Variants in BRD8 observed in about 807,000 individuals in gnomAD.
The protein encoded by BRD8 is bromodomain-containing protein 8.
A neutral mutation model predicts 143.1 loss-of-function variants in BRD8; 67 were observed. That is an observed-to-expected ratio of 0.47 (90% confidence interval 0.38 to 0.57). The LOEUF is 0.57. BRD8 is among the 20% of genes least tolerant of loss of function. The probability of loss-of-function intolerance (pLI) is 0.00; values close to 1 mark genes in which losing one functional copy is unlikely to be tolerated. For missense variants in BRD8, 1,103 were observed against 1,503.0 expected (o/e 0.73, Z 4.40); for synonymous variants, 505 against 517.1 (o/e 0.98, Z 0.32).
chr5:138,149,527 G>T (rs981022481), intron 23 of BRD8, 113 bp downstream of exon 23: 2 of 863,378 alleles, frequency 2.3e-6, no homozygotes, highest in African/African-American at 1.7e-5. Context: ...TATATTTTTT[G>T]TGTTTTCCAA....
chr5:138,150,233 T>C (rs1752327208), intron 22 of BRD8, among the ~76,000 whole-genome samples: 1 of 151,658 alleles, frequency 6.6e-6, no homozygotes, highest in Non-Finnish European at 1.5e-5. Flanking sequence ...GACCCCTAAG[T>C]AGCTGGAACT....
At chr5:138,155,609 T>C (rs1448792524) in intron 20 of BRD8, among the ~76,000 whole-genome samples, 1 of 151,806 alleles carries the variant, frequency 6.6e-6, no homozygotes, top group Non-Finnish European at 1.5e-5. Flanking sequence ...CTCAGCTCAC[T>C]GCAGCCTCAA....
intron 19 of BRD8, 112 bp from the exon 20 acceptor site, chr5:138,159,711 A>C: frequency 9.9e-7 from 1 of 1,008,532 alleles, no homozygotes; most frequent in Non-Finnish European, 1.5e-6. Flanking sequence ...CAAAATTTTA[A>C]AACTCAAGAA....
intron 11 of BRD8, 64 bp downstream of exon 11, chr5:138,165,764 G>A (rs1470994272): frequency 7.6e-7 from 1 of 1,313,438 alleles, no homozygotes. Flanking sequence ...GCACCAAAGT[G>A]AGGCTGAAAA....
intron 23 of BRD8, among the ~76,000 whole-genome samples, chr5:138,147,448 T>C (rs1581405078): frequency 6.6e-6 from 1 of 151,684 alleles, no homozygotes; most frequent in Non-Finnish European, 1.5e-5. Context: ...AAACAGTTCA[T>C]ACTATATTCT....
chr5:138,148,078 G>A (rs1752226304), intron 23 of BRD8, among the ~76,000 whole-genome samples: 2 of 150,230 alleles, frequency 1.3e-5, no homozygotes, highest in Admixed American at 1.3e-4. Flanking sequence ...CAATCTTTTG[G>A]CTTCCCTGGG....
intron 2 of BRD8, among the ~76,000 whole-genome samples, chr5:138,173,181 T>G (rs2151218189): frequency 6.6e-6 from 1 of 152,258 alleles, no homozygotes. Flanking sequence ...GCAGACTGCT[T>G]GAGATGAGGA....
chr5:138,162,672 T>TA (rs1349170797), intron 15 of BRD8, among the ~76,000 whole-genome samples: 37 of 151,472 alleles, frequency 2.4e-4, no homozygotes, highest in African/African-American at 8.7e-4. Flanking sequence ...TCCTGTCCCT[T>TA]AAAAAAATTT....
chr5:138,175,665 C>A (rs1754260695), intron 2 of BRD8, among the ~76,000 whole-genome samples: 1 of 150,470 alleles, frequency 6.6e-6, no homozygotes, highest in Non-Finnish European at 1.5e-5. Flanking sequence ...CATAGTGGGA[C>A]CTCGTCTCTA....
intron 1 of BRD8, among the ~76,000 whole-genome samples, chr5:138,178,215 C>T (rs1175015921): frequency 6.6e-6 from 1 of 152,084 alleles, no homozygotes; most frequent in African/African-American, 2.4e-5. Context: ...GTTAAAAGAC[C>T]CCACTTCCAC....
chr5:138,165,726 C>CAAAAAAAAAAAAAAA lies in BRD8; in HGVS notation c.1278+87_1278+101dup, dbSNP rs374362323. The CAAAAAAAAAAAAAAA allele has an allele frequency of 1.2e-4, 118 of 946,424 alleles. 5 individuals are homozygous for CAAAAAAAAAAAAAAA. In the African/African-American group the frequency reaches 2.9e-3, roughly 23 times the overall value. The allele number at this position is 946,424 out of a possible 1,614,324, so 58.6% of individuals were successfully genotyped here. A position where few individuals can be genotyped will look rare whatever the true frequency, so the allele number is the denominator to read the frequency against. ...GGATGAAAGAGCAAGACTCTGTCTC[C>CAAAAAAAAAAAAAAA]AAAAAAAAAAAAAAAAAAGCAGCAG... On this transcript the variant is annotated intron_variant, in intron 11 of 26. Coordinates refer to ENST00000254900, the MANE Select transcript of BRD8 (RefSeq NM_139199.2).
At chr5:138,172,962 T>C (rs1754010567) in intron 2 of BRD8, 1 of 182,496 alleles carries the variant, frequency 5.5e-6, no homozygotes, top group Non-Finnish European at 1.2e-5. Flanking sequence ...AAAATTTTGC[T>C]GGAGAGACAC....
Position 138,140,045 on chromosome 5 carries a change from C to A in BRD8, c.*29G>T. 1 of 1,558,966 alleles carries A rather than the reference C, an allele frequency of 6.4e-7. No homozygotes were observed. The highest frequency in any genetic ancestry group is 1.7e-5 in the Admixed American group (1 of 59,834). On this transcript the variant is annotated 3_prime_UTR_variant, in exon 27 of 27. Transcript: ENST00000254900. ...CAGAGTTCCGGGAGAGATTCAAACT[C>A]TAGAAAAAGTCAGGATAGCAGCTCC...
rs67288912 is a variant in BRD8 at position 138,156,825 on chromosome 5, TACACACACACACAC to T, written c.2577+2716_2577+2729del. ...TTATGCAGAAGAAACAAGTTTCAAA[TACACACACACACAC>T]ACACACACACACACACACACACACA... On this transcript the variant is annotated intron_variant, in intron 20 of 26. Transcript: ENST00000254900. 1,318 of 803,170 alleles carry T rather than the reference TACACACACACACAC, an allele frequency of 1.6e-3. 10 individuals carry two copies. The African/African-American group carries it at 0.023, about 14-fold the overall frequency. 49.8% of individuals were successfully genotyped at this position (803,170 alleles called of 1,614,324 possible).
At position 138,169,336 on chromosome 5, in the gene BRD8, G is replaced by A. The variant is rs139570980; in HGVS notation, c.528C>T (p.Pro176=). The A allele has an allele frequency of 4.5e-5, 72 of 1,613,844 alleles. No homozygotes were observed. In the South Asian group the frequency reaches 7.1e-4, roughly 16 times the overall value. The part of the protein sequence containing the change: ...AYQARQAVKT[P]PRRLPTVMVR... ...CCATCACAGTGGGTAACCTCCGGGG[G>A]GGTGTTTTTACTGCTTGACGAGCTA... The change falls in exon 8 of 27, where the codon CCC becomes CCT. Residue 176 remains proline (P), a synonymous_variant. Coordinates refer to ENST00000254900, the MANE Select transcript of BRD8 (RefSeq NM_139199.2).
chr5:138,160,153 C>T lies in BRD8; in HGVS notation c.2448G>A (p.Leu816=). The part of the protein sequence containing the change: ...EQIQQFLATQ[L]IMQTSESGIS... Reference sequence around the variant, plus strand: ...TCCCAGACTCGGATGTTTGCATAATCAACTGCGTGGCCAAGAATTGCTGTA... The same window carrying T: ...TCCCAGACTCGGATGTTTGCATAATTAACTGCGTGGCCAAGAATTGCTGTA... Residue 816 remains leucine (L), a synonymous_variant, in exon 19 of 27, where the codon TTG becomes TTA. Coordinates refer to ENST00000254900, the MANE Select transcript of BRD8 (RefSeq NM_139199.2). The T allele has an allele frequency of 6.2e-7, 1 of 1,614,094 alleles. No individual in the cohort carries two copies. The highest frequency in any genetic ancestry group is 8.5e-7 in the Non-Finnish European group (1 of 1,179,970).
At position 138,152,647 on chromosome 5, in the gene BRD8, A is replaced by G; in HGVS notation, c.2691T>C (p.Asp897=). Residue 897 remains aspartate, a synonymous_variant, in exon 21 of 27, where the codon GAT becomes GAC. Transcript: ENST00000254900. The part of the protein sequence containing the change: ...FSSWDSSLDL[D]VGNWRETEDP... ...CCTCAGTTTCCCTCCAGTTGCCCAC[A>G]TCAAGATCCAGACTGGAGTCCCATG... is the stretch of plus-strand genomic sequence containing the variant. 1 of 1,614,176 alleles carries G rather than the reference A, an allele frequency of 6.2e-7. No homozygotes were observed. The highest frequency in any genetic ancestry group is 8.5e-7 in the Non-Finnish European group (1 of 1,180,032).
intron 15 of BRD8, 148 bp downstream of exon 15, chr5:138,162,982 G>A: frequency 1.4e-6 from 1 of 723,540 alleles, no homozygotes; most frequent in Middle Eastern, 4.0e-4. Context: ...GCATGGGTGA[G>A]TGAGAACAAG....
Position 138,145,859 on chromosome 5 carries a change from C to T in BRD8, c.3298G>A (p.Asp1100Asn). ...SSKLTDLSQD[D>N]PVQDHLLFKK... ...AATAGCAAATGATCCTGAACAGGGT[C>T]ATCCTGGCTTAGATCAGTCCTATGA... is the stretch of plus-strand genomic sequence containing the variant. Residue 1100 changes from aspartate to asparagine, a missense_variant, in exon 24 of 27, where the codon GAC becomes AAC. Asp to Asn is a conservative substitution (Grantham distance 23). This residue lies in a region of BRD8 where 369 missense variants were observed against 445.5 expected (regional missense o/e 0.83). Coordinates refer to ENST00000254900, the MANE Select transcript of BRD8 (RefSeq NM_139199.2). 6.2e-7 allele frequency: 1 copy of T among 1,613,918 alleles called. No individual in the cohort carries two copies. The highest frequency in any genetic ancestry group is 1.3e-5 in the African/African-American group (1 of 75,040).
Sources: gnomAD v4.1 joint callset for allele counts (sites outside exome capture counted in the v4.1 genomes callset) on GRCh38, gnomAD v4.1.1 for gene constraint, gnomAD v4.1.1 regional missense constraint, MANE v1.5 for transcripts, NCBI Gene and HGNC (gene_info 2026-07-23, HGNC 2026-07-21) for gene names.